Variants in IL7 observed in about 807,000 individuals in gnomAD.
The protein encoded by IL7 is interleukin 7.
Under a neutral mutation model 21.6 loss-of-function variants are expected in IL7, and 3 were observed. That is an observed-to-expected ratio of 0.14 (90% CI 0.06 to 0.36). The LOEUF (loss-of-function observed/expected upper bound fraction) is 0.36, where lower values mean the gene tolerates loss of function less well. IL7 is among the 10% of genes least tolerant of loss of function. The pLI, the probability that IL7 is intolerant of heterozygous loss-of-function variation, is 1.00. For synonymous variants in IL7, 62 were observed against 68.1 expected, an observed-to-expected ratio of 0.91 and a Z score of 0.44; for missense variants, 175 against 200.2, an observed-to-expected ratio of 0.87 and a Z score of 0.76.
At chr8:78,788,997 G>A (rs1353630615) in intron 2 of IL7, among the ~76,000 whole-genome samples, 7 of 152,036 alleles carry the variant, frequency 4.6e-5, no homozygotes, top group South Asian at 2.1e-4. Context: ...ATGATAGTCC[G>A]CCTTGCTCTG....
intron 2 of IL7, among the ~76,000 whole-genome samples, chr8:78,795,192 A>G (rs143769018): frequency 6.6e-6 from 1 of 152,230 alleles, no homozygotes; most frequent in Non-Finnish European, 1.5e-5. Context: ...AGCACTTCAT[A>G]ACTATTAGTA....
At chr8:78,705,152 T>G (rs1004241275) in intron 3 of IL7, among the ~76,000 whole-genome samples, 4 of 152,218 alleles carry the variant, frequency 2.6e-5, no homozygotes, top group Non-Finnish European at 5.9e-5. Flanking sequence ...TCAGCCTGAT[T>G]CCTGTTGGAG....
chr8:78,804,984 G>C lies in IL7; in HGVS notation c.-62C>G. Reference sequence around the variant, plus strand: ...ACTGGAGCAGGAGCAAGCTCTCACCGCCCATAGTCACTCCCAGGACCCTGG... The same window carrying C: ...ACTGGAGCAGGAGCAAGCTCTCACCCCCCATAGTCACTCCCAGGACCCTGG... On this transcript the variant is annotated 5_prime_UTR_variant, in exon 1 of 6. Transcript: ENST00000263851. The C allele has an allele frequency of 6.3e-7, 1 of 1,576,892 alleles. No individual in the cohort carries two copies. Among genetic ancestry groups the C allele is most frequent in the Non-Finnish European group, 8.7e-7 (1 of 1,154,772 alleles).
intron 2 of IL7, among the ~76,000 whole-genome samples, chr8:78,753,948 T>G (rs1812262080): frequency 1.3e-5 from 2 of 152,118 alleles, no homozygotes; most frequent in Non-Finnish European, 2.9e-5. Context: ...TTGGTTCCAT[T>G]ACCATGCTGT....
At chr8:78,794,016 C>G (rs921022003) in intron 2 of IL7, among the ~76,000 whole-genome samples, 5 of 152,126 alleles carry the variant, frequency 3.3e-5, no homozygotes, top group Non-Finnish European at 7.4e-5. Context: ...GGCTCCACTT[C>G]TAATTCTAAT....
rs1586125734 is a variant in IL7, at chr8:78,804,749, C to T, written c.10+164G>A. ...GTGGCTATGTGCCAGGATACTCAGG[C>T]GCGGCTGTTGGCTGCCCATGGGAGA... On this transcript the variant is annotated intron_variant, in intron 1 of 5. Coordinates refer to ENST00000263851, the MANE Select transcript of IL7 (RefSeq NM_000880.4). Among the ~76,000 whole-genome samples, 3 of 152,216 alleles carry T rather than the reference C, an allele frequency of 2.0e-5. No individual in the cohort carries two copies. In the East Asian group the frequency reaches 5.8e-4, roughly 29 times the overall value.
At chr8:78,711,617 A>G (rs1359625982) in intron 3 of IL7, among the ~76,000 whole-genome samples, 1 of 152,142 alleles carries the variant, frequency 6.6e-6, no homozygotes, top group Non-Finnish European at 1.5e-5. Context: ...GAAAGTTTCC[A>G]TGAATTCTGG....
At chr8:78,710,297 A>G (rs1377955554) in intron 3 of IL7, among the ~76,000 whole-genome samples, 2 of 152,190 alleles carry the variant, frequency 1.3e-5, no homozygotes, top group Non-Finnish European at 1.5e-5. Context: ...ACATATATAT[A>G]TATGCACACA....
chr8:78,699,288 G>GT (rs1250425628), intron 3 of IL7, among the ~76,000 whole-genome samples: 1 of 151,968 alleles, frequency 6.6e-6, no homozygotes, highest in African/African-American at 2.4e-5. Context: ...GGGAAAAATT[G>GT]TAACAGTGGA....
intron 2 of IL7, among the ~76,000 whole-genome samples, chr8:78,773,885 G>A (rs1309633572): frequency 1.3e-5 from 2 of 152,082 alleles, no homozygotes; most frequent in African/African-American, 2.4e-5. Flanking sequence ...CAGAAGGAAG[G>A]CTGTCTGTAG....
At chr8:78,800,867 A>AT (rs1814032580) in intron 1 of IL7, among the ~76,000 whole-genome samples, 1 of 152,216 alleles carries the variant, frequency 6.6e-6, no homozygotes, top group Admixed American at 6.5e-5. Flanking sequence ...GGATACTTTT[A>AT]CCATTATCAT....
At chr8:78,772,528 C>T (rs1194507816) in intron 2 of IL7, among the ~76,000 whole-genome samples, 1 of 152,122 alleles carries the variant, frequency 6.6e-6, no homozygotes, top group African/African-American at 2.4e-5. Context: ...AGAACCTGAA[C>T]TTGACCTTAA....
In IL7 at chr8:78,732,885, A is replaced by G. The variant is rs998599258; in HGVS notation, c.*828T>C. ...GATATAGTGTCAAAATTAAATACAG[A>G]TATTTCATTAATTAAAAGGTAAACA... On this transcript the variant is annotated 3_prime_UTR_variant, in exon 6 of 6. Transcript: ENST00000263851. The G allele has an allele frequency of 5.3e-5, 8 of 152,130 alleles. No homozygotes were observed. The highest frequency in any genetic ancestry group is 7.2e-5 in the African/African-American group (3 of 41,458). The allele number at this position is 152,130 out of a possible 1,614,324, so 9.4% of individuals were successfully genotyped here. A position where few individuals can be genotyped will look rare whatever the true frequency, so the allele number is the denominator to read the frequency against.
At chr8:78,792,486 C>A (rs769995021) in intron 2 of IL7, among the ~76,000 whole-genome samples, 2 of 151,782 alleles carry the variant, frequency 1.3e-5, no homozygotes, top group African/African-American at 2.4e-5. Context: ...AAATAAAAAA[C>A]AATACAAATG....
intron 2 of IL7, among the ~76,000 whole-genome samples, chr8:78,786,213 T>C (rs1188313250): frequency 6.6e-6 from 1 of 152,220 alleles, no homozygotes; most frequent in Non-Finnish European, 1.5e-5. Context: ...TATAGCCTAT[T>C]ACATACCTAG....
At chr8:78,734,441 T>G (rs1233734608) in intron 5 of IL7, among the ~76,000 whole-genome samples, 3 of 152,222 alleles carry the variant, frequency 2.0e-5, no homozygotes, top group Non-Finnish European at 1.5e-5. Flanking sequence ...CTCAGTTATA[T>G]TTCTCTGAGT....
chr8:78,761,859 C>T (rs1194845145), intron 2 of IL7: 117 of 1,611,778 alleles, frequency 7.3e-5, no homozygotes, highest in Non-Finnish European at 9.7e-5. Flanking sequence ...TCTGGGATTT[C>T]ATCAGCCTCA....
Position 78,735,550 on chromosome 8 carries a change from C to T in IL7, c.414+924G>A, listed in dbSNP as rs531461998. 2.0e-5 allele frequency among the ~76,000 whole-genome samples: 3 copies of T among 152,022 alleles called. No homozygotes were observed. In the South Asian group the frequency reaches 6.2e-4, roughly 32 times the overall value. On this transcript the variant is annotated intron_variant, in intron 5 of 5. Transcript: ENST00000263851. ...GTCTTGATCTTTCCACCTTGTGATC[C>T]GCCCACCTCGGACCCCCAAAGTGCT... is the stretch of plus-strand genomic sequence containing the variant.
intron 2 of IL7, among the ~76,000 whole-genome samples, chr8:78,787,515 T>C (rs1021192752): frequency 1.3e-5 from 2 of 152,190 alleles, no homozygotes; most frequent in African/African-American, 4.8e-5. Context: ...TCCCCACACA[T>C]GCATAGCCTT....
Sources: gnomAD v4.1 joint callset for allele counts (sites outside exome capture counted in the v4.1 genomes callset) on GRCh38, gnomAD v4.1.1 for gene constraint, MANE v1.5 for transcripts, NCBI Gene and HGNC (gene_info 2026-07-23, HGNC 2026-07-21) for gene names.